PTPRE: variants seen among roughly 807,000 people sequenced by gnomAD.
The protein encoded by PTPRE is protein tyrosine phosphatase receptor type E, also known as receptor-type tyrosine-protein phosphatase epsilon.
A neutral mutation model predicts 102.0 loss-of-function variants in PTPRE; 51 were observed. That is an observed-to-expected ratio of 0.50 (90% CI 0.40 to 0.63). The LOEUF (loss-of-function observed/expected upper bound fraction) is 0.63, where lower values mean the gene tolerates loss of function less well. PTPRE is among the 30% of genes least tolerant of loss of function. PTPRE has a pLI of 0.00. For synonymous variants in PTPRE, 345 were observed against 348.2 expected (o/e 0.99, Z 0.10); for missense variants, 752 against 915.1 (o/e 0.82, Z 2.30).
chr10:127,923,068 C>A (rs1178815189), intron 1 of PTPRE, among the ~76,000 whole-genome samples: 1 of 152,260 alleles, frequency 6.6e-6, no homozygotes, highest in Non-Finnish European at 1.5e-5. Context: ...GCATTCCCAG[C>A]CTGCACTCCT....
rs191409706 is a variant in PTPRE, at chr10:128,005,824, C to T, written c.-8+23528C>T. Reference sequence around the variant, plus strand: ...GGCTGCAAGTCTGAAGCCAAGGCGTCGGCAGGGCTGTGCTCCCTTTCAAGG... The same window carrying T: ...GGCTGCAAGTCTGAAGCCAAGGCGTTGGCAGGGCTGTGCTCCCTTTCAAGG... On this transcript the variant is annotated intron_variant, in intron 2 of 20. Transcript: ENST00000254667. Among the ~76,000 whole-genome samples the T allele has an allele frequency of 5.7e-3, 868 of 152,282 alleles. 8 individuals are homozygous for T. Among genetic ancestry groups the T allele is most frequent in the African/African-American group, 0.02 (833 of 41,562 alleles).
chr10:128,040,680 CCA>C (rs918676237), intron 2 of PTPRE, among the ~76,000 whole-genome samples, 193 bp from the exon 3 acceptor site: 14 of 152,188 alleles, frequency 9.2e-5, no homozygotes, highest in Non-Finnish European at 1.5e-5. Context: ...GAGTGAATGT[CCA>C]CAGTCAGTGA....
chr10:128,028,673 G>A lies in PTPRE; in HGVS notation c.-7-12202G>A, dbSNP rs1173609209. On this transcript the variant is annotated intron_variant, in intron 2 of 20. Transcript: ENST00000254667. This position sits in a 1 kb window ranked among gnomAD's most constrained non-coding sequence, Gnocchi z 4.5. The stretch of plus-strand genomic sequence containing the variant: ...GCTGAGCAGCCCGCCGGGGCCCAGG[G>A]TTCCTTGGTCTTGGGTTCTGATGCC... 1.3e-5 allele frequency among the ~76,000 whole-genome samples: 2 copies of A among 152,060 alleles called. No homozygotes were observed. Among genetic ancestry groups the A allele is most frequent in the African/African-American group, 4.8e-5 (2 of 41,416 alleles).
chr10:128,010,354 T>C (rs1245960717), intron 2 of PTPRE, among the ~76,000 whole-genome samples: 1 of 152,206 alleles, frequency 6.6e-6, no homozygotes, highest in African/African-American at 2.4e-5. Flanking sequence ...ATAGCTTGGC[T>C]TGGGGAATTG....
intron 2 of PTPRE, among the ~76,000 whole-genome samples, chr10:128,007,377 A>G (rs943408072): frequency 6.6e-6 from 1 of 152,238 alleles, no homozygotes; most frequent in Non-Finnish European, 1.5e-5. Context: ...GATGTTTAGA[A>G]TCCACAAACC....
At chr10:127,949,061 G>C (rs547721500) in intron 1 of PTPRE, among the ~76,000 whole-genome samples, 1 of 152,212 alleles carries the variant, frequency 6.6e-6, no homozygotes, top group Non-Finnish European at 1.5e-5. Flanking sequence ...ACTTACACCA[G>C]TGCCCCACCC....
Position 127,946,493 on chromosome 10 carries a change from C to T in PTPRE, c.-30-35781C>T, listed in dbSNP as rs555632884. ...AAAGAGATTGATTCTGCATCTGCAT[C>T]ATGGAGCAGTCTGCAGCCCCTGGGA... On this transcript the variant is annotated intron_variant, in intron 1 of 20. Transcript: ENST00000254667. 3.9e-5 allele frequency among the ~76,000 whole-genome samples: 5 copies of T among 127,846 alleles called. 1 individual carries two copies. The highest frequency in any genetic ancestry group is 1.4e-4 in the African/African-American group (5 of 36,738). 83.9% of individuals were successfully genotyped at this position (127,846 alleles called of 152,430 possible). A position where few individuals can be genotyped will look rare whatever the true frequency, so the allele number is the denominator to read the frequency against.
chr10:128,077,630 A>G lies in PTPRE; in HGVS notation c.1739A>G (p.Gln580Arg). The change falls in exon 19 of 21, where the codon CAG becomes CGG. Residue 580 changes from glutamine to arginine, a missense_variant. Physicochemically the swap from Gln to Arg is conservative, Grantham distance 43 (BLOSUM62 1). This residue lies in a region of PTPRE where 636 missense variants were observed against 824.4 expected (regional missense o/e 0.77). Transcript: ENST00000254667. ...LVTLNQPQAR[Q>R]EEQVRVVRQF... is the part of the protein sequence containing the mutation. ...TCCTCCCTGCAGCCCCAGGCCCGCC[A>G]GGAGGAGCAGGTCCGAGTAGTGCGC... The G allele has an allele frequency of 6.2e-7, 1 of 1,609,136 alleles. No individual in the cohort carries two copies.
intron 2 of PTPRE, chr10:127,998,139 T>C (rs2135540055): frequency 6.6e-6 from 1 of 152,378 alleles, no homozygotes; most frequent in Non-Finnish European, 1.5e-5. Flanking sequence ...TCAAATCCTG[T>C]TGCAGTCAGT....
At chr10:128,065,142 AG>A (rs35309574) in intron 10 of PTPRE, among the ~76,000 whole-genome samples, 67,281 of 152,058 alleles carry the variant, frequency 0.44, 15,799 homozygotes, top group Middle Eastern at 0.55. Flanking sequence ...AGGTGTAAGG[AG>A]GGGGAAGTTG....
At chr10:127,963,083 G>A (rs1849955122) in intron 1 of PTPRE, among the ~76,000 whole-genome samples, 1 of 152,182 alleles carries the variant, frequency 6.6e-6, no homozygotes, top group Non-Finnish European at 1.5e-5. Flanking sequence ...GAGCAGGCCT[G>A]TGGAGGCCAG....
At chr10:127,914,527 G>A (rs959498446) in intron 1 of PTPRE, among the ~76,000 whole-genome samples, 15 of 152,182 alleles carry the variant, frequency 9.9e-5, no homozygotes, top group African/African-American at 3.6e-4. Context: ...TGGATCTTTG[G>A]AGGTGGGAAG....
intron 1 of PTPRE, among the ~76,000 whole-genome samples, chr10:127,932,528 G>T (rs528548078): frequency 6.6e-6 from 1 of 152,202 alleles, no homozygotes; most frequent in East Asian, 1.9e-4. Flanking sequence ...AGCCTTTTGC[G>T]CATGGCACGC....
At chr10:128,082,310 C>T (rs552836775) in intron 20 of PTPRE, among the ~76,000 whole-genome samples, 5 of 143,714 alleles carry the variant, frequency 3.5e-5, no homozygotes, top group Admixed American at 1.4e-4. Context: ...CTCCTGGGCT[C>T]AAGGAATCCT....
chr10:127,995,785 T>G (rs1232322814), intron 2 of PTPRE, among the ~76,000 whole-genome samples: 4 of 151,786 alleles, frequency 2.6e-5, no homozygotes, highest in African/African-American at 9.7e-5. Flanking sequence ...AGGTGCCTCA[T>G]TTAGCATTCT....
At chr10:128,012,615 C>G (rs1845113355) in intron 2 of PTPRE, among the ~76,000 whole-genome samples, 1 of 152,190 alleles carries the variant, frequency 6.6e-6, no homozygotes, top group Non-Finnish European at 1.5e-5. Flanking sequence ...CTGCTACTTG[C>G]TAGGCATGGA....
At position 128,070,408 on chromosome 10, in the gene PTPRE, C is replaced by T. The variant is rs776721351; in HGVS notation, c.1251C>T (p.Thr417=). The T allele has an allele frequency of 6.2e-7, 1 of 1,614,158 alleles. No homozygotes were observed. The highest frequency in any genetic ancestry group is 1.1e-5 in the South Asian group (1 of 91,078). The change falls in exon 14 of 21, where the codon ACC becomes ACT. Residue 417 remains threonine, a synonymous_variant. Transcript: ENST00000254667. This position sits in a 1 kb window ranked among gnomAD's most constrained non-coding sequence, Gnocchi z 4.8. Reference sequence around the variant, plus strand: ...AGCACCTGCAGACCATGCACGGCACCACCACCCACTTCGACAAGATCGGGC... The same window carrying T: ...AGCACCTGCAGACCATGCACGGCACTACCACCCACTTCGACAAGATCGGGC... The part of the protein sequence containing the change: ...LEKHLQTMHG[T]TTHFDKIGLE...
intron 1 of PTPRE, among the ~76,000 whole-genome samples, chr10:127,931,569 A>G (rs1279033604): frequency 6.6e-6 from 1 of 152,200 alleles, no homozygotes; most frequent in African/African-American, 2.4e-5. Context: ...AAGTGTGGGC[A>G]TTCCTATGCC....
chr10:128,038,797 A>G (rs1319100267), intron 2 of PTPRE, among the ~76,000 whole-genome samples: 1 of 152,198 alleles, frequency 6.6e-6, no homozygotes, highest in Admixed American at 6.5e-5. Context: ...CCTAGAACTT[A>G]AAGTATAAAT....
Sources: gnomAD v4.1 joint callset for allele counts (sites outside exome capture counted in the v4.1 genomes callset) on GRCh38, gnomAD v4.1.1 for gene constraint, gnomAD v4.1.1 regional missense constraint, Gnocchi (gnomAD v3.1) non-coding constraint, MANE v1.5 for transcripts, NCBI Gene and HGNC (gene_info 2026-07-23, HGNC 2026-07-21) for gene names.